HSPA12A: variants seen among roughly 807,000 people sequenced by gnomAD.
HSPA12A encodes the protein heat shock protein family A (Hsp70) member 12A.
Under a neutral mutation model 69.2 loss-of-function variants are expected in HSPA12A, and 28 were observed. The observed-to-expected ratio is 0.40, with a 90% CI of 0.30 to 0.55. The LOEUF is 0.55. HSPA12A is among the 20% of genes least tolerant of loss of function. The probability of loss-of-function intolerance (pLI) is 0.38; values close to 1 mark genes in which losing one functional copy is unlikely to be tolerated. For missense variants in HSPA12A, 686 were observed against 900.7 expected (o/e 0.76, Z 3.05); for synonymous variants, 345 against 370.5 (o/e 0.93, Z 0.79).
intron 1 of HSPA12A, among the ~76,000 whole-genome samples, chr10:116,835,710 A>G (rs1421844053): frequency 6.6e-6 from 1 of 152,184 alleles, no homozygotes; most frequent in African/African-American, 2.4e-5. Flanking sequence ...TACACAGTAG[A>G]TGCACAATAC....
chr10:116,727,893 G>A (rs1439211388), intron 1 of HSPA12A, among the ~76,000 whole-genome samples: 1 of 149,704 alleles, frequency 6.7e-6, no homozygotes, highest in African/African-American at 2.5e-5. Context: ...GAGTAGCTGG[G>A]ATTACAGGTG....
chr10:116,689,762 G>T (rs1849682571), intron 6 of HSPA12A, among the ~76,000 whole-genome samples: 1 of 150,988 alleles, frequency 6.6e-6, no homozygotes, highest in Admixed American at 6.6e-5. Flanking sequence ...CGAGACCCTG[G>T]GACAGTCAAT....
At chr10:116,682,189 AAAG>A (rs1849427440) in intron 7 of HSPA12A, among the ~76,000 whole-genome samples, 1 of 152,154 alleles carries the variant, frequency 6.6e-6, no homozygotes. Context: ...AAAAAAACTG[AAAG>A]AAGAGAATGT....
chr10:116,820,961 A>G (rs1279603284), intron 2 of HSPA12A, among the ~76,000 whole-genome samples: 1 of 151,740 alleles, frequency 6.6e-6, no homozygotes, highest in Admixed American at 6.6e-5. Context: ...CTTTTTCACA[A>G]CTATATCCAG....
intron 2 of HSPA12A, among the ~76,000 whole-genome samples, chr10:116,824,237 C>A (rs1422005255): frequency 2.0e-5 from 3 of 152,052 alleles, no homozygotes; most frequent in Non-Finnish European, 4.4e-5. Flanking sequence ...TGACTATAAT[C>A]AAAAAGACAG....
chr10:116,771,937 T>C (rs1844221006), intron 2 of HSPA12A, among the ~76,000 whole-genome samples: 1 of 152,210 alleles, frequency 6.6e-6, no homozygotes, highest in Admixed American at 6.5e-5. Flanking sequence ...CCAGCAGCTG[T>C]GCTGTCTCAG....
In HSPA12A at chr10:116,790,346, G is replaced by A. The variant is rs375864249; in HGVS notation, c.91+44589C>T. 6.9e-4 allele frequency among the ~76,000 whole-genome samples: 104 copies of A among 151,742 alleles called. No homozygotes were observed. The East Asian group carries it at 0.017, about 25-fold the overall frequency. On this transcript the variant is annotated intron_variant, in intron 2 of 12. Coordinates refer to the HSPA12A transcript ENST00000635765. ...TCTCTATCTCCTGACCTCGTGATCC[G>A]CCTGCCTCAGCCTCCCAAAGTGCTG...
At chr10:116,769,749 C>G (rs764740367) in intron 2 of HSPA12A, among the ~76,000 whole-genome samples, 1 of 152,182 alleles carries the variant, frequency 6.6e-6, no homozygotes, top group Non-Finnish European at 1.5e-5. Flanking sequence ...TGGAGATGCA[C>G]GAAGCAGCGC....
intron 1 of HSPA12A, among the ~76,000 whole-genome samples, chr10:116,739,096 C>T (rs1167476949): frequency 1.3e-5 from 2 of 152,158 alleles, no homozygotes; most frequent in African/African-American, 4.8e-5. Context: ...CTCTATTAGC[C>T]GCAGGCCTAC....
intron 2 of HSPA12A, among the ~76,000 whole-genome samples, chr10:116,792,504 C>A (rs1844720579): frequency 6.6e-6 from 1 of 151,146 alleles, no homozygotes; most frequent in Non-Finnish European, 1.5e-5. Flanking sequence ...CAGCTGGGCG[C>A]AGTAGCACAT....
rs141749448 is a variant in HSPA12A, at chr10:116,768,827, C to G, written c.92-61542G>C. On this transcript the variant is annotated intron_variant, in intron 2 of 12. Coordinates refer to the HSPA12A transcript ENST00000635765. ...GCTCAATTATTTTTTTTTAAAGCAG[C>G]CTGCTGACATCACCCTGACTTTGGC... 9.9e-5 allele frequency among the ~76,000 whole-genome samples: 15 copies of G among 152,190 alleles called. No homozygotes were observed. The East Asian group carries it at 2.7e-3, about 27-fold the overall frequency.
rs1158524352 is a variant in HSPA12A, at chr10:116,742,552, G to C, written c.-83C>G. On this transcript the variant is annotated 5_prime_UTR_variant, in exon 1 of 12. Coordinates refer to ENST00000369209, the MANE Select transcript of HSPA12A (RefSeq NM_025015.3). Reference sequence around the variant, plus strand: ...GGTCTCTGTCCGCGTCCGCGGCGGCGCTCGGGCCGTGTCTGAGCCGCCGGG... The same window carrying C: ...GGTCTCTGTCCGCGTCCGCGGCGGCCCTCGGGCCGTGTCTGAGCCGCCGGG... 19 of 1,170,992 alleles carry C rather than the reference G, an allele frequency of 1.6e-5. 1 individual carries two copies. Among genetic ancestry groups the C allele is most frequent in the East Asian group, 7.9e-5 (2 of 25,336 alleles). 72.5% of individuals were successfully genotyped at this position (1,170,992 alleles called of 1,614,324 possible).
chr10:116,732,064 C>T (rs1285948721), intron 1 of HSPA12A, among the ~76,000 whole-genome samples: 1 of 152,010 alleles, frequency 6.6e-6, no homozygotes, highest in African/African-American at 2.4e-5. Context: ...GGGGTGGTGG[C>T]TCATGCCTGT....
At chr10:116,815,423 A>T (rs906444821) in intron 2 of HSPA12A, among the ~76,000 whole-genome samples, 3 of 152,106 alleles carry the variant, frequency 2.0e-5, no homozygotes, top group Non-Finnish European at 4.4e-5. Context: ...CTGAATACAA[A>T]AATTAGCCAG....
intron 8 of HSPA12A, among the ~76,000 whole-genome samples, 196 bp from the exon 9 acceptor site, chr10:116,681,452 T>A (rs1470843754): frequency 6.6e-6 from 1 of 152,212 alleles, no homozygotes; most frequent in Non-Finnish European, 1.5e-5. Context: ...TGGTTAGACA[T>A]GGACGATGGA....
At chr10:116,701,218 G>C in intron 3 of HSPA12A, 89 bp from the exon 4 acceptor site, 1 of 1,278,746 alleles carries the variant, frequency 7.8e-7, no homozygotes, top group Non-Finnish European at 1.1e-6. Flanking sequence ...GTATGCATGA[G>C]TGTCAGTAAT....
In HSPA12A at chr10:116,800,581, GTC is replaced by G. The variant is rs1409985926; in HGVS notation, c.91+34352_91+34353del. 3.3e-5 allele frequency among the ~76,000 whole-genome samples: 5 copies of G among 152,192 alleles called. No individual in the cohort carries two copies. In the East Asian group the frequency reaches 7.7e-4, roughly 23 times the overall value. On this transcript the variant is annotated intron_variant, in intron 2 of 12. Transcript: ENST00000635765. ...ACAACCCCTGCTGCGCTCACTGGGA[GTC>G]TCTGTTTTTCATTCAGATGCCAGTA...
intron 2 of HSPA12A, among the ~76,000 whole-genome samples, chr10:116,780,028 C>T (rs543394480): frequency 4.4e-4 from 67 of 152,270 alleles, no homozygotes; most frequent in African/African-American, 1.4e-3. Flanking sequence ...CCACTAATTC[C>T]GCCAGAGCAA....
intron 1 of HSPA12A, among the ~76,000 whole-genome samples, chr10:116,720,545 C>T (rs1850744948): frequency 6.6e-6 from 1 of 152,248 alleles, no homozygotes; most frequent in African/African-American, 2.4e-5. Flanking sequence ...CAAGGCCAGA[C>T]GTGCCATCCT....
Sources: gnomAD v4.1 joint callset for allele counts (sites outside exome capture counted in the v4.1 genomes callset) on GRCh38, gnomAD v4.1.1 for gene constraint, MANE v1.5 for transcripts, NCBI Gene and HGNC (gene_info 2026-07-23, HGNC 2026-07-21) for gene names.